The following HNRNPA1L2 variants were observed in gnomAD, a reference collection of about 807,000 sequenced individuals.
The protein encoded by HNRNPA1L2 is heterogeneous nuclear ribonucleoprotein A1-like 2.
HNRNPA1L2 carries 10 observed loss-of-function variants against 18.2 expected under a neutral mutation model. The observed-to-expected ratio is 0.55, with a 90% CI of 0.34 to 0.93. The LOEUF is 0.93. Among genes scored for constraint, HNRNPA1L2 ranks in the 40% least tolerant of loss-of-function variants. The pLI is 0.02. For synonymous variants in HNRNPA1L2, 124 were observed against 138.6 expected, an observed-to-expected ratio of 0.89 and a Z score of 0.74; for missense variants, 308 against 394.4, an observed-to-expected ratio of 0.78 and a Z score of 1.85.
chr13:52,629,856 G>A, the HNRNPA1L2 span, among the ~76,000 whole-genome samples: 2 of 152,184 alleles, frequency 1.3e-5, no homozygotes, highest in African/African-American at 2.4e-5. Flanking sequence ...TTAGAGGGCC[G>A]AGGCAGGCGG....
At chr13:52,625,369 C>T in the HNRNPA1L2 span, among the ~76,000 whole-genome samples, 39 of 152,156 alleles carry the variant, frequency 2.6e-4, no homozygotes, top group African/African-American at 9.4e-4. Flanking sequence ...CCTGCCTCGG[C>T]CTCCTAAAGT....
At chr13:52,636,123 C>T in the HNRNPA1L2 span, among the ~76,000 whole-genome samples, 1 of 152,172 alleles carries the variant, frequency 6.6e-6, no homozygotes, top group Non-Finnish European at 1.5e-5. Flanking sequence ...CTGCGAGCTA[C>T]CGTGCCCGGC....
At chr13:52,626,303 G>A in the HNRNPA1L2 span, among the ~76,000 whole-genome samples, 4 of 151,198 alleles carry the variant, frequency 2.6e-5, no homozygotes, top group African/African-American at 9.7e-5. Flanking sequence ...TAAAAATGTC[G>A]CAAATAGCCA....
At chr13:52,640,071 G>T (rs192034493), upstream of HNRNPA1L2, among the ~76,000 whole-genome samples, 272 of 152,012 alleles carry the variant, frequency 1.8e-3, 2 homozygotes, top group Non-Finnish European at 2.8e-3. Context: ...CTCCTGAGTT[G>T]CTGGGACCAC....
chr13:52,633,349 C>T, the HNRNPA1L2 span, among the ~76,000 whole-genome samples: 1 of 152,096 alleles, frequency 6.6e-6, no homozygotes. Context: ...CATGGTTGGT[C>T]TTTGTTCCCT....
chr13:52,637,435 A>G (rs984595963), upstream of HNRNPA1L2: 6 of 261,110 alleles, frequency 2.3e-5, no homozygotes, highest in Non-Finnish European at 4.5e-5. Context: ...TTCCCAATTA[A>G]TAATGAAGCA....
chr13:52,618,308 G>A, the HNRNPA1L2 span, among the ~76,000 whole-genome samples: 3 of 152,176 alleles, frequency 2.0e-5, no homozygotes, highest in Admixed American at 6.5e-5. Context: ...AAGGACCACT[G>A]GTTGAAGTTA....
upstream of HNRNPA1L2, chr13:52,641,316 G>C (rs534021524): frequency 6.6e-6 from 1 of 152,102 alleles, no homozygotes; most frequent in Non-Finnish European, 1.5e-5. Flanking sequence ...CCCTGAATTT[G>C]TTGTTACAAA....
chr13:52,619,093 C>T, the HNRNPA1L2 span, among the ~76,000 whole-genome samples: 31 of 151,596 alleles, frequency 2.0e-4, no homozygotes, highest in African/African-American at 4.4e-4. Flanking sequence ...CCACAATCTC[C>T]GCCTCCCGGG....
upstream of HNRNPA1L2, chr13:52,642,393 A>C: frequency 6.8e-7 from 1 of 1,461,800 alleles, no homozygotes; most frequent in Non-Finnish European, 9.3e-7. Flanking sequence ...TCTCATCCAA[A>C]TACTCTATCC....
chr13:52,642,188 A>T, upstream of HNRNPA1L2: 1 of 398,614 alleles, frequency 2.5e-6, no homozygotes, highest in Non-Finnish European at 4.5e-6. Flanking sequence ...GATCCCAACA[A>T]TGTGGGATGT....
chr13:52,628,928 T>C, the HNRNPA1L2 span, among the ~76,000 whole-genome samples: 1 of 152,216 alleles, frequency 6.6e-6, no homozygotes, highest in East Asian at 1.9e-4. Context: ...TCGGCTGGAC[T>C]GCAATGGTGC....
rs779678844 is a variant in HNRNPA1L2 at position 52,642,753 on chromosome 13, G to A, written c.261G>A (p.Lys87=). 6 of 1,599,136 alleles carry A rather than the reference G, an allele frequency of 3.8e-6. No homozygotes were observed. In the African/African-American group the frequency reaches 5.3e-5, roughly 14 times the overall value. ...TGGATGGAAGAGTTGTGGAACCAAAGAGAGCTGTCTCCAGAGAAGATTCTC... is the reference window on the plus strand; with the variant it reads ...TGGATGGAAGAGTTGTGGAACCAAAAAGAGCTGTCTCCAGAGAAGATTCTC... The part of the protein sequence containing the change: ...HKVDGRVVEP[K]RAVSREDSQR... Residue 87 remains lysine, a synonymous_variant, in exon 1 of 1, where the codon AAG becomes AAA. Coordinates refer to ENST00000357495, the MANE Select transcript of HNRNPA1L2 (RefSeq NM_001389320.1).
At chr13:52,626,034 C>T in the HNRNPA1L2 span, among the ~76,000 whole-genome samples, 1 of 152,068 alleles carries the variant, frequency 6.6e-6, no homozygotes, top group African/African-American at 2.4e-5. Context: ...CCCTCCTTGG[C>T]CTCCCAGAGT....
the HNRNPA1L2 span, among the ~76,000 whole-genome samples, chr13:52,635,689 A>G: frequency 1.3e-5 from 2 of 152,130 alleles, no homozygotes; most frequent in African/African-American, 2.4e-5. Context: ...AGAATTGTAC[A>G]TAAATGAAAT....
the HNRNPA1L2 span, among the ~76,000 whole-genome samples, chr13:52,630,343 C>T: frequency 6.6e-6 from 1 of 152,204 alleles, no homozygotes; most frequent in East Asian, 1.9e-4. Flanking sequence ...GTGGCACCAT[C>T]TTGGCCCACT....
the HNRNPA1L2 span, among the ~76,000 whole-genome samples, chr13:52,634,612 T>C: frequency 0.062 from 9,367 of 152,254 alleles, 334 homozygotes; most frequent in African/African-American, 0.095. Flanking sequence ...ATGCTGGAAA[T>C]ATAATTGGCA....
chr13:52,624,688 A>G, the HNRNPA1L2 span, among the ~76,000 whole-genome samples: 3 of 152,236 alleles, frequency 2.0e-5, no homozygotes, highest in African/African-American at 4.8e-5. Context: ...CTACTTATGT[A>G]GCATTTGTTA....
At chr13:52,632,105 T>C in the HNRNPA1L2 span, among the ~76,000 whole-genome samples, 1 of 152,122 alleles carries the variant, frequency 6.6e-6, no homozygotes, top group East Asian at 1.9e-4. Context: ...CATAGTTTTA[T>C]AATTTTTCAC....
Sources: gnomAD v4.1 joint callset for allele counts (sites outside exome capture counted in the v4.1 genomes callset) on GRCh38, gnomAD v4.1.1 for gene constraint, MANE v1.5 for transcripts, NCBI Gene and HGNC (gene_info 2026-07-23, HGNC 2026-07-21) for gene names.